The following CHODL variants were observed in gnomAD, a reference collection of about 807,000 sequenced individuals.
CHODL encodes transmembrane protein MT75.
CHODL carries 29 observed loss-of-function variants against 34.5 expected under a neutral mutation model. The observed-to-expected ratio is 0.84, with a 90% CI of 0.63 to 1.15. The LOEUF (loss-of-function observed/expected upper bound fraction) is 1.15. Ranked by LOEUF, CHODL falls within the 50% of genes most tolerant of loss-of-function variation. The pLI is 0.00. For missense variants in CHODL, 332 were observed against 332.5 expected (o/e 1.00, Z 0.01); for synonymous variants, 125 against 116.1 (o/e 1.08, Z -0.49).
intron 1 of CHODL, among the ~76,000 whole-genome samples, chr21:18,004,317 TTAGCCTCTATAAG>T (rs1295440600): frequency 6.6e-6 from 1 of 152,234 alleles, no homozygotes; most frequent in Non-Finnish European, 1.5e-5. Flanking sequence ...AAAGAAGGTT[TTAGCCTCTATAAG>T]TGGTGTCAAA....
At chr21:17,958,933 T>C (rs2063512437) in intron 1 of CHODL, among the ~76,000 whole-genome samples, 1 of 152,120 alleles carries the variant, frequency 6.6e-6, no homozygotes, top group African/African-American at 2.4e-5. Context: ...TTGTCTTCTC[T>C]GGCTGACACT....
chr21:18,191,179 C>A (rs1426140338), intron 2 of CHODL, among the ~76,000 whole-genome samples: 2 of 152,110 alleles, frequency 1.3e-5, no homozygotes, highest in Non-Finnish European at 2.9e-5. Flanking sequence ...ATTTTATTAT[C>A]ATTCAAGGGT....
At chr21:17,978,456 C>T (rs1311446763) in intron 1 of CHODL, among the ~76,000 whole-genome samples, 1 of 150,262 alleles carries the variant, frequency 6.7e-6, no homozygotes, top group African/African-American at 2.4e-5. Context: ...CGGTGGCGCA[C>T]GCCTGTAATC....
At chr21:17,973,343 A>C (rs1342947726) in intron 1 of CHODL, among the ~76,000 whole-genome samples, 2 of 152,060 alleles carry the variant, frequency 1.3e-5, no homozygotes, top group African/African-American at 4.8e-5. Context: ...CTATCATCAG[A>C]GTGAACAGGA....
intron 2 of CHODL, among the ~76,000 whole-genome samples, chr21:18,105,455 T>G (rs1316157360): frequency 6.6e-6 from 1 of 152,196 alleles, no homozygotes; most frequent in Non-Finnish European, 1.5e-5. Flanking sequence ...TATCTTTGTC[T>G]GCTTAAGTCA....
intron 2 of CHODL, among the ~76,000 whole-genome samples, chr21:18,093,541 G>A (rs982541203): frequency 1.3e-5 from 2 of 152,068 alleles, no homozygotes; most frequent in Non-Finnish European, 2.9e-5. Flanking sequence ...TCAATAAGTA[G>A]ACAGTACAAT....
At chr21:17,977,961 T>C (rs1600851848) in intron 1 of CHODL, among the ~76,000 whole-genome samples, 1 of 135,540 alleles carries the variant, frequency 7.4e-6, no homozygotes, top group African/African-American at 2.7e-5. Flanking sequence ...AGGTAACAGG[T>C]GGAGGGAAAA....
intron 1 of CHODL, among the ~76,000 whole-genome samples, chr21:18,253,877 C>G (rs955719467): frequency 6.6e-6 from 1 of 152,092 alleles, no homozygotes; most frequent in African/African-American, 2.4e-5. Flanking sequence ...ATCACGGTCA[C>G]GAAACAGAGG....
intron 2 of CHODL, among the ~76,000 whole-genome samples, chr21:18,046,839 C>T (rs939277189): frequency 5.9e-5 from 9 of 152,022 alleles, no homozygotes; most frequent in East Asian, 1.9e-4. Flanking sequence ...TTTATCACTG[C>T]GGTCGTTAGT....
chr21:17,993,641 ATG>A (rs1457880694), intron 1 of CHODL, among the ~76,000 whole-genome samples: 3 of 152,202 alleles, frequency 2.0e-5, no homozygotes, highest in African/African-American at 7.2e-5. Flanking sequence ...GGTTCATTCT[ATG>A]TCTTTGCTAT....
intron 2 of CHODL, among the ~76,000 whole-genome samples, chr21:18,201,867 C>T (rs1055485096): frequency 1.1e-4 from 16 of 143,994 alleles, no homozygotes; most frequent in African/African-American, 4.0e-4. Flanking sequence ...TGCAGTGGCG[C>T]GATCTCGGCT....
intron 2 of CHODL, among the ~76,000 whole-genome samples, chr21:18,234,830 C>A (rs2074014565): frequency 6.6e-6 from 1 of 152,026 alleles, no homozygotes; most frequent in Non-Finnish European, 1.5e-5. Context: ...GGTTAACTTA[C>A]CTTCTTGTTG....
chr21:18,080,678 C>G (rs951672797), intron 2 of CHODL, among the ~76,000 whole-genome samples: 2 of 152,076 alleles, frequency 1.3e-5, no homozygotes, highest in Non-Finnish European at 2.9e-5. Flanking sequence ...CCATTGTGTT[C>G]CATTGATCTA....
At chr21:17,947,073 A>T (rs2063416151) in intron 1 of CHODL, among the ~76,000 whole-genome samples, 1 of 152,146 alleles carries the variant, frequency 6.6e-6, no homozygotes, top group Non-Finnish European at 1.5e-5. Flanking sequence ...CTAGTAAGAG[A>T]GTTAGCAACA....
intron 1 of CHODL, among the ~76,000 whole-genome samples, chr21:17,993,155 A>G (rs957757060): frequency 1.3e-5 from 2 of 151,970 alleles, no homozygotes; most frequent in African/African-American, 4.8e-5. Context: ...CCCATTCAGT[A>G]TGATATTAGC....
chr21:18,115,836 C>A (rs1392207063), intron 2 of CHODL, among the ~76,000 whole-genome samples: 1 of 152,126 alleles, frequency 6.6e-6, no homozygotes, highest in African/African-American at 2.4e-5. Flanking sequence ...CTGAGAAATC[C>A]TAGAATTTGG....
chr21:18,180,357 A>G (rs1179523798), intron 2 of CHODL, among the ~76,000 whole-genome samples: 2 of 152,068 alleles, frequency 1.3e-5, no homozygotes, highest in African/African-American at 2.4e-5. Context: ...GTTGCCCAGG[A>G]TGGACTCAAA....
chr21:17,985,545 A>G (rs966726178), intron 1 of CHODL, among the ~76,000 whole-genome samples: 4 of 152,192 alleles, frequency 2.6e-5, no homozygotes, highest in Non-Finnish European at 4.4e-5. Context: ...TTGTATGTCT[A>G]CTTTTCAATT....
At chr21:18,134,583 A>G (rs205700) in intron 2 of CHODL, among the ~76,000 whole-genome samples, 38,568 of 152,066 alleles carry the variant, frequency 0.25, 6,019 homozygotes, top group African/African-American at 0.42. Context: ...TATGGGCTTA[A>G]CGTATTATGC....
Sources: gnomAD v4.1 joint callset for allele counts (sites outside exome capture counted in the v4.1 genomes callset) on GRCh38, gnomAD v4.1.1 for gene constraint, MANE v1.5 for transcripts, NCBI Gene and HGNC (gene_info 2026-07-23, HGNC 2026-07-21) for gene names.